Variants in CHN2 observed in about 807,000 individuals in gnomAD.
The protein encoded by CHN2 is chimerin 2.
Under a neutral mutation model 56.3 loss-of-function variants are expected in CHN2, and 35 were observed. The observed-to-expected ratio is 0.62, with a 90% CI of 0.47 to 0.82. The LOEUF is 0.82. Ranked by LOEUF, CHN2 falls within the 40% of genes least tolerant of loss-of-function variation. The pLI is 0.00. For synonymous variants in CHN2, 210 were observed against 212.8 expected, an observed-to-expected ratio of 0.99 and a Z score of 0.12; for missense variants, 491 against 580.5, an observed-to-expected ratio of 0.85 and a Z score of 1.58.
At chr7:29,332,863 G>A (rs931258724) in intron 1 of CHN2, 7 of 152,034 alleles carry the variant, frequency 4.6e-5, no homozygotes, top group East Asian at 2.0e-4. Flanking sequence ...ATGGGGTTAT[G>A]TGGACATAAC....
At chr7:29,179,741 C>A (rs1797828348) in intron 2 of CHN2, among the ~76,000 whole-genome samples, 1 of 152,240 alleles carries the variant, frequency 6.6e-6, no homozygotes, top group South Asian at 2.1e-4. Context: ...TATTTTATAT[C>A]AATGCAAAAC....
At chr7:29,357,781 C>G (rs1035554708) in intron 2 of CHN2, among the ~76,000 whole-genome samples, 4 of 152,158 alleles carry the variant, frequency 2.6e-5, no homozygotes, top group African/African-American at 4.8e-5. Context: ...TCCAAATATG[C>G]TAAAATGATA....
chr7:29,299,310 T>C (rs552760901), intron 1 of CHN2, among the ~76,000 whole-genome samples: 2 of 152,332 alleles, frequency 1.3e-5, no homozygotes, highest in Admixed American at 1.3e-4. Context: ...TAATGTACTG[T>C]CTGGTTTCAT....
rs1789034395 is a variant in CHN2 at position 29,255,891 on chromosome 7, T to TCAGTTTA, written c.49+60901_49+60902insCAGTTTA. 2.5e-4 allele frequency among the ~76,000 whole-genome samples: 38 copies of TCAGTTTA among 152,336 alleles called. 1 individual carries two copies. The South Asian group carries it at 7.7e-3, about 31-fold the overall frequency. ...GCAACTTGCAGTATGCAAAAACCATTATCTAGAAACTGATTCAGTTTAATG... is the reference window on the plus strand; with the variant it reads ...GCAACTTGCAGTATGCAAAAACCATTCAGTTTAATCTAGAAACTGATTCAGTTTAATG... On this transcript the variant is annotated intron_variant, in intron 1 of 12. Transcript: ENST00000222792.
intron 1 of CHN2, among the ~76,000 whole-genome samples, chr7:29,300,306 G>C (rs892977129): frequency 6.6e-6 from 1 of 152,168 alleles, no homozygotes; most frequent in Non-Finnish European, 1.5e-5. Flanking sequence ...AAAAATAGGA[G>C]GTGAGGGTGA....
At chr7:29,276,008 A>G (rs1264605284) in intron 1 of CHN2, among the ~76,000 whole-genome samples, 5 of 152,114 alleles carry the variant, frequency 3.3e-5, no homozygotes, top group Non-Finnish European at 7.4e-5. Flanking sequence ...CGCATTACCC[A>G]ATATGCCTGT....
At chr7:29,252,578 G>GTTTTT (rs545289689) in intron 1 of CHN2, among the ~76,000 whole-genome samples, 637 of 19,484 alleles carry the variant, frequency 0.033, 237 homozygotes, top group Non-Finnish European at 0.041. Context: ...TGCATTCTTT[G>GTTTTT]TTTTTTTTTT....
intron 1 of CHN2, among the ~76,000 whole-genome samples, chr7:29,211,489 C>T (rs904786114): frequency 1.3e-5 from 2 of 150,074 alleles, no homozygotes; most frequent in African/African-American, 5.0e-5. Flanking sequence ...CACACACACA[C>T]ACACAGAAAC....
At chr7:29,354,131 C>T (rs552973462) in intron 1 of CHN2, among the ~76,000 whole-genome samples, 2 of 152,340 alleles carry the variant, frequency 1.3e-5, no homozygotes, top group African/African-American at 4.8e-5. Flanking sequence ...TCATCAGTGT[C>T]TCTGCTGTCA....
chr7:29,264,005 C>T (rs1452197834), intron 1 of CHN2, among the ~76,000 whole-genome samples: 2 of 150,014 alleles, frequency 1.3e-5, no homozygotes. Context: ...GCCGCCCCAT[C>T]CGGGAGCTGG....
At chr7:29,326,950 C>T (rs181051355) in intron 1 of CHN2, among the ~76,000 whole-genome samples, 121 of 152,318 alleles carry the variant, frequency 7.9e-4, no homozygotes, top group African/African-American at 2.7e-3. Context: ...AGATGTTATT[C>T]TATCCCATTT....
intron 1 of CHN2, among the ~76,000 whole-genome samples, chr7:29,338,363 C>T (rs896931735): frequency 1.3e-5 from 2 of 152,076 alleles, no homozygotes; most frequent in African/African-American, 4.8e-5. Flanking sequence ...TATGTGCAGT[C>T]CTAGGACATT....
intron 7 of CHN2, among the ~76,000 whole-genome samples, chr7:29,489,096 T>C (rs1788370795): frequency 6.6e-6 from 1 of 152,252 alleles, no homozygotes; most frequent in Admixed American, 6.5e-5. Context: ...AACATCCTGT[T>C]CATTTAGAAA....
At chr7:29,492,582 A>G (rs1183923705) in intron 7 of CHN2, among the ~76,000 whole-genome samples, 1 of 152,116 alleles carries the variant, frequency 6.6e-6, no homozygotes, top group African/African-American at 2.4e-5. Flanking sequence ...AAGTTCATCA[A>G]CAAGTCAACT....
intron 1 of CHN2, among the ~76,000 whole-genome samples, chr7:29,305,512 G>A (rs1231705961): frequency 1.3e-5 from 2 of 151,920 alleles, no homozygotes; most frequent in African/African-American, 4.8e-5. Context: ...TTGTGATTTG[G>A]AAGAAAATTT....
At chr7:29,211,878 G>T (rs1440033392) in intron 1 of CHN2, among the ~76,000 whole-genome samples, 7 of 152,140 alleles carry the variant, frequency 4.6e-5, no homozygotes, top group African/African-American at 1.7e-4. Context: ...TATTACAAAT[G>T]TATATTTTAA....
intron 1 of CHN2, among the ~76,000 whole-genome samples, chr7:29,333,339 G>A (rs184761680): frequency 2.2e-4 from 34 of 152,236 alleles, no homozygotes; most frequent in African/African-American, 7.7e-4. Context: ...GCTTCATGCC[G>A]GGGCTGCTGT....
intron 1 of CHN2, among the ~76,000 whole-genome samples, chr7:29,262,327 T>C (rs1471274705): frequency 6.6e-6 from 1 of 152,260 alleles, no homozygotes; most frequent in Non-Finnish European, 1.5e-5. Context: ...ATACACATAG[T>C]TGTTCTTAAC....
rs573297652 is a variant in CHN2 at position 29,326,158 on chromosome 7, TTTG to T, written c.50-28458_50-28456del. Among the ~76,000 whole-genome samples, 512 of 151,226 alleles carry T rather than the reference TTTG, an allele frequency of 3.4e-3. 1 individual carries two copies. The highest frequency in any genetic ancestry group is 5.4e-3 in the Non-Finnish European group (364 of 67,834). On this transcript the variant is annotated intron_variant, in intron 1 of 12. Transcript: ENST00000222792. ...TTTGTTTGTTTGTTTGTTTGTTTGT[TTTG>T]TTGTTGTTTTTTTTTGAGACGGAGT... is the stretch of plus-strand genomic sequence containing the variant.
Sources: allele counts gnomAD v4.1 joint callset (sites outside exome capture counted in the v4.1 genomes callset), GRCh38; gene constraint gnomAD v4.1.1; transcripts MANE v1.5; gene names NCBI Gene and HGNC (gene_info 2026-07-23, HGNC 2026-07-21).